SUPT3H: variants seen among roughly 807,000 people sequenced by gnomAD.
SUPT3H encodes the protein transcription initiation protein SPT3 homolog.
In SUPT3H, 44 loss-of-function variants were observed where a neutral mutation model predicts 44.3. The observed-to-expected ratio is 0.99, with a 90% CI of 0.78 to 1.28. The LOEUF is 1.28. Among genes scored for constraint, SUPT3H ranks in the 50% most tolerant of loss-of-function variants. SUPT3H has a pLI of 0.00. For synonymous variants in SUPT3H, 124 were observed against 125.6 expected (o/e 0.99, Z 0.09); for missense variants, 380 against 387.1 (o/e 0.98, Z 0.15).
At chr6:45,251,276 C>G (rs779346255) in intron 2 of SUPT3H, 1 of 152,102 alleles carries the variant, frequency 6.6e-6, no homozygotes, top group South Asian at 2.1e-4. Flanking sequence ...TCATTATTCT[C>G]GGCTTTAGAA....
chr6:44,918,731 T>C (rs1338006170), intron 10 of SUPT3H, among the ~76,000 whole-genome samples: 1 of 152,180 alleles, frequency 6.6e-6, no homozygotes, highest in Non-Finnish European at 1.5e-5. Context: ...ATGTGCATAC[T>C]GGCACAAATT....
At chr6:45,102,279 A>C (rs139182677) in intron 3 of SUPT3H, among the ~76,000 whole-genome samples, 1 of 152,270 alleles carries the variant, frequency 6.6e-6, no homozygotes, top group African/African-American at 2.4e-5. Context: ...TCAAACATAC[A>C]AGTTTAAGAG....
intron 2 of SUPT3H, among the ~76,000 whole-genome samples, chr6:45,315,938 T>C (rs537663938): frequency 1.2e-4 from 17 of 146,616 alleles, no homozygotes; most frequent in Admixed American, 2.7e-4. Context: ...GATAGATAGA[T>C]AGATAGATAG....
At chr6:45,212,415 C>A (rs1312466567) in intron 2 of SUPT3H, among the ~76,000 whole-genome samples, 1 of 151,536 alleles carries the variant, frequency 6.6e-6, no homozygotes, top group Admixed American at 6.6e-5. Flanking sequence ...AAAGGAGTTT[C>A]CTTTTCTTCC....
intron 2 of SUPT3H, among the ~76,000 whole-genome samples, chr6:45,286,177 T>C (rs1036685526): frequency 1.1e-4 from 16 of 151,524 alleles, no homozygotes; most frequent in African/African-American, 3.6e-4. Context: ...ATTCAGGACA[T>C]AGGCATGGGC....
chr6:44,857,868 G>T (rs1217425245), intron 10 of SUPT3H, among the ~76,000 whole-genome samples: 6 of 152,042 alleles, frequency 3.9e-5, no homozygotes, highest in African/African-American at 1.4e-4. Context: ...TGATATATGG[G>T]GTAATAAGTG....
intron 2 of SUPT3H, among the ~76,000 whole-genome samples, chr6:45,181,447 C>T (rs1486182878): frequency 5.3e-5 from 8 of 152,032 alleles, no homozygotes; most frequent in Admixed American, 3.3e-4. Flanking sequence ...TTCACAATAG[C>T]ATAGATTTGG....
chr6:45,224,287 C>T lies in SUPT3H; in HGVS notation c.102-118281G>A, dbSNP rs546545852. 4.2e-3 allele frequency among the ~76,000 whole-genome samples: 645 copies of T among 152,084 alleles called. 3 individuals are homozygous for T. The highest frequency in any genetic ancestry group is 6.8e-3 in the Non-Finnish European group (465 of 67,980). ...TACTCCCTCTAAAATGCATAAAATT[C>T]TCTCAATGGGATTGTTAAAAGATCT... On this transcript the variant is annotated intron_variant, in intron 2 of 10. Coordinates refer to ENST00000371459, the MANE Select transcript of SUPT3H (RefSeq NM_003599.4).
At position 44,828,179 on chromosome 6, in the gene SUPT3H, TTTAAAAGTTAAG is replaced by T. The variant is rs1767979374; in HGVS notation, c.*1625_*1636del. Among the ~76,000 whole-genome samples, 1 of 125,636 alleles carries T rather than the reference TTTAAAAGTTAAG, an allele frequency of 8.0e-6. No individual in the cohort carries two copies. The highest frequency in any genetic ancestry group is 1.8e-5 in the Non-Finnish European group (1 of 55,862). 82.4% of individuals were successfully genotyped at this position (125,636 alleles called of 152,430 possible). On this transcript the variant is annotated 3_prime_UTR_variant, in exon 11 of 11. Transcript: ENST00000371459. ...AAACCAAATACAATAAATGCTATCG[TTTAAAAGTTAAG>T]TTAAGTTAGGATGTTTACTGCAAGC...
intron 10 of SUPT3H, among the ~76,000 whole-genome samples, chr6:44,905,747 A>G (rs1227918149): frequency 3.3e-5 from 5 of 152,204 alleles, no homozygotes; most frequent in Admixed American, 6.5e-5. Flanking sequence ...ACTATTCACA[A>G]TAGCAAAGAC....
At position 45,024,388 on chromosome 6, in the gene SUPT3H, T is replaced by C. The variant is rs183760154; in HGVS notation, c.187-3756A>G. On this transcript the variant is annotated intron_variant, in intron 3 of 10. Transcript: ENST00000371459. ...TTTCTGTTTATTTTGTTGTTTCTTT[T>C]AATCTTCTCAGGGGTCTTGAATGTG... Among the ~76,000 whole-genome samples, 20 of 152,280 alleles carry C rather than the reference T, an allele frequency of 1.3e-4. No homozygotes were observed. In the East Asian group the frequency reaches 2.9e-3, roughly 22 times the overall value.
intron 10 of SUPT3H, among the ~76,000 whole-genome samples, chr6:44,914,515 C>T (rs928989623): frequency 6.6e-6 from 1 of 152,166 alleles, no homozygotes; most frequent in African/African-American, 2.4e-5. Context: ...GCCTTGGATT[C>T]ATGAGGAATC....
intron 2 of SUPT3H, among the ~76,000 whole-genome samples, chr6:45,242,712 T>C (rs1294112959): frequency 6.6e-6 from 1 of 152,078 alleles, no homozygotes; most frequent in Non-Finnish European, 1.5e-5. Flanking sequence ...AAAACAAAAT[T>C]CACCATTCTT....
intron 10 of SUPT3H, among the ~76,000 whole-genome samples, chr6:44,850,810 T>G (rs6650995): frequency 0.024 from 3,495 of 147,498 alleles, 138 homozygotes; most frequent in African/African-American, 0.081. Context: ...GTACCTTGTA[T>G]GTACAAACAT....
chr6:45,329,775 A>G (rs1234280436), intron 2 of SUPT3H, among the ~76,000 whole-genome samples: 1 of 152,004 alleles, frequency 6.6e-6, no homozygotes, highest in Non-Finnish European at 1.5e-5. Context: ...AGATATGTAA[A>G]TGACTTTAAC....
intron 2 of SUPT3H, among the ~76,000 whole-genome samples, chr6:45,108,651 T>C (rs1216733939): frequency 1.3e-5 from 2 of 152,178 alleles, no homozygotes; most frequent in Non-Finnish European, 2.9e-5. Context: ...ACTCATGACA[T>C]AAACCTTTAG....
chr6:45,198,106 A>G (rs1816384309), intron 2 of SUPT3H, among the ~76,000 whole-genome samples: 1 of 151,420 alleles, frequency 6.6e-6, no homozygotes, highest in South Asian at 2.1e-4. Flanking sequence ...ATATGCTTTG[A>G]ATACCCATTT....
At chr6:44,857,831 G>A (rs1279040771) in intron 10 of SUPT3H, among the ~76,000 whole-genome samples, 2 of 152,096 alleles carry the variant, frequency 1.3e-5, no homozygotes, top group African/African-American at 4.8e-5. Context: ...ATACATTTTT[G>A]CCATGGTGTC....
At chr6:45,053,772 G>A (rs1298328733) in intron 3 of SUPT3H, among the ~76,000 whole-genome samples, 6 of 149,274 alleles carry the variant, frequency 4.0e-5, no homozygotes, top group Admixed American at 2.7e-4. Flanking sequence ...AAAATTAGCC[G>A]GGCGTGGTGA....
Sources: allele counts gnomAD v4.1 joint callset (sites outside exome capture counted in the v4.1 genomes callset), GRCh38; gene constraint gnomAD v4.1.1; transcripts MANE v1.5; gene names NCBI Gene and HGNC (gene_info 2026-07-23, HGNC 2026-07-21).